Variants in SNX29 observed in about 807,000 individuals in gnomAD.
SNX29 encodes the protein sorting nexin-29.
Under a neutral mutation model 102.1 loss-of-function variants are expected in SNX29, and 78 were observed. The ratio of observed to expected loss-of-function variants is 0.76; its 90% CI spans 0.64 to 0.92. The LOEUF (loss-of-function observed/expected upper bound fraction) is 0.92, where lower values mean the gene tolerates loss of function less well. Ranked by LOEUF, SNX29 falls within the 40% of genes least tolerant of loss-of-function variation. The pLI is 0.00. For synonymous variants in SNX29, 580 were observed against 414.5 expected (o/e 1.40, Z -4.85); for missense variants, 1,280 against 1,061.7 (o/e 1.21, Z -2.86).
chr16:12,562,530 A>C (rs2078785628), intron 20 of SNX29, among the ~76,000 whole-genome samples: 1 of 152,184 alleles, frequency 6.6e-6, no homozygotes, highest in Admixed American at 6.5e-5. Context: ...CTGGTGAATG[A>C]CACAGCCAGG....
rs1434451220 is a variant in SNX29 at position 12,570,749 on chromosome 16, C to CA, written c.*2121dup. 1.3e-5 allele frequency: 3 copies of CA among 230,196 alleles called. No individual in the cohort carries two copies. Among genetic ancestry groups the CA allele is most frequent in the Admixed American group, 1.1e-4 (2 of 17,424 alleles). The allele number at this position is 230,196 out of a possible 1,614,324, so 14.3% of individuals were successfully genotyped here. ...TCTCTCCAGATACCCCACGAGGAAG[C>CA]ACCTTGGACATTCTGCACATGATAA... On this transcript the variant is annotated 3_prime_UTR_variant, in exon 21 of 21. Transcript: ENST00000566228.
intron 20 of SNX29, among the ~76,000 whole-genome samples, chr16:12,528,240 C>T (rs1238357656): frequency 3.3e-5 from 5 of 152,182 alleles, no homozygotes; most frequent in Non-Finnish European, 7.4e-5. Context: ...CACTCTGTTG[C>T]ACAGGCTGGA....
In SNX29 at chr16:12,061,660, G is replaced by A. The variant is rs200829872; in HGVS notation, c.1243+14G>A. ...ACAGCCCAGCAGGTGGGTGTCTCCC[G>A]ATTACTCCTTTCCTCCAATAAGAGC... On this transcript the variant is annotated intron_variant, in intron 9 of 20. Coordinates refer to ENST00000566228, the MANE Select transcript of SNX29 (RefSeq NM_032167.5). 8.0e-5 allele frequency: 128 copies of A among 1,596,132 alleles called. 1 individual carries two copies. Among genetic ancestry groups the A allele is most frequent in the Admixed American group, 4.6e-4 (27 of 58,882 alleles).
At chr16:12,234,096 T>A (rs545124050) in intron 14 of SNX29, among the ~76,000 whole-genome samples, 2 of 152,310 alleles carry the variant, frequency 1.3e-5, no homozygotes, top group South Asian at 4.1e-4. Context: ...GTTTTTCATT[T>A]CTCTCGGGTA....
chr16:12,570,920 G>A lies in SNX29; in HGVS notation c.*2291G>A, dbSNP rs1042379096. 2.4e-5 allele frequency: 4 copies of A among 168,096 alleles called. No homozygotes were observed. Among genetic ancestry groups the A allele is most frequent in the African/African-American group, 1.4e-4 (4 of 27,884 alleles). 10.4% of individuals were successfully genotyped at this position (168,096 alleles called of 1,614,324 possible). ...AAAAACCTGGTCTGCTCTCCAAAAT[G>A]AGAGCATGTTCCTGGGAGCCACATG... On this transcript the variant is annotated 3_prime_UTR_variant, in exon 21 of 21. Coordinates refer to ENST00000566228, the MANE Select transcript of SNX29 (RefSeq NM_032167.5).
chr16:12,324,890 A>G (rs1395517930), intron 15 of SNX29, among the ~76,000 whole-genome samples: 2 of 152,140 alleles, frequency 1.3e-5, no homozygotes, highest in Non-Finnish European at 2.9e-5. Context: ...AAAGATACCC[A>G]GGGAAATTAG....
intron 20 of SNX29, among the ~76,000 whole-genome samples, chr16:12,553,258 C>A (rs994035602): frequency 6.6e-6 from 1 of 152,220 alleles, no homozygotes; most frequent in African/African-American, 2.4e-5. Flanking sequence ...TTGTACAAGA[C>A]CACTGCCGCC....
At chr16:12,505,270 GT>G (rs1393815146) in intron 19 of SNX29, among the ~76,000 whole-genome samples, 1 of 152,116 alleles carries the variant, frequency 6.6e-6, no homozygotes, top group Non-Finnish European at 1.5e-5. Flanking sequence ...AAACTGGGTG[GT>G]TTACAAATAA....
intron 20 of SNX29, among the ~76,000 whole-genome samples, chr16:12,533,099 G>C (rs1358845750): frequency 6.6e-6 from 1 of 152,228 alleles, no homozygotes; most frequent in East Asian, 1.9e-4. Flanking sequence ...CCTCCGGGGA[G>C]GGACAGGTTC....
At chr16:12,521,614 C>T (rs1027393422) in intron 19 of SNX29, among the ~76,000 whole-genome samples, 1 of 152,174 alleles carries the variant, frequency 6.6e-6, no homozygotes, top group Non-Finnish European at 1.5e-5. Flanking sequence ...TGATGAGCTC[C>T]TTTCTTGTCT....
chr16:12,001,564 G>A (rs1407129931), intron 2 of SNX29, among the ~76,000 whole-genome samples: 1 of 151,824 alleles, frequency 6.6e-6, no homozygotes, highest in Non-Finnish European at 1.5e-5. Context: ...AGTTTCATGT[G>A]TTTTGACAAA....
chr16:12,074,864 C>T (rs2051474362), intron 10 of SNX29, among the ~76,000 whole-genome samples: 2 of 152,140 alleles, frequency 1.3e-5, no homozygotes, highest in Admixed American at 6.5e-5. Flanking sequence ...TTGTTCGTTT[C>T]TTTTTATTCT....
At chr16:12,375,868 C>G (rs1275865631) in intron 16 of SNX29, 2 of 151,908 alleles carry the variant, frequency 1.3e-5, no homozygotes, top group Non-Finnish European at 2.9e-5. Flanking sequence ...CCCATCTCTA[C>G]TAAAAACACA....
chr16:12,273,582 A>C (rs1344137153), intron 14 of SNX29, among the ~76,000 whole-genome samples: 2 of 151,902 alleles, frequency 1.3e-5, no homozygotes. Context: ...GGTCTCGAAC[A>C]CTTGACCTCA....
intron 15 of SNX29, among the ~76,000 whole-genome samples, chr16:12,339,370 C>CAAACAAAAAAAAAA (rs2081547448): frequency 1.8e-5 from 1 of 56,280 alleles, no homozygotes; most frequent in African/African-American, 8.0e-5. Context: ...GATTCTGTCT[C>CAAACAAAAAAAAAA]AAAAAAAAAA....
intron 15 of SNX29, among the ~76,000 whole-genome samples, chr16:12,285,552 T>A (rs957844580): frequency 1.3e-5 from 2 of 152,124 alleles, no homozygotes; most frequent in Non-Finnish European, 2.9e-5. Context: ...TGGTAAAAAA[T>A]ACACTCATAA....
intron 11 of SNX29, among the ~76,000 whole-genome samples, chr16:12,120,916 T>C (rs2053946371): frequency 6.6e-6 from 1 of 152,176 alleles, no homozygotes; most frequent in Non-Finnish European, 1.5e-5. Context: ...GGCAAGAAAT[T>C]ACAGCTGTGA....
chr16:11,988,744 T>G (rs973206198), intron 1 of SNX29, among the ~76,000 whole-genome samples: 3 of 152,198 alleles, frequency 2.0e-5, no homozygotes, highest in Non-Finnish European at 4.4e-5. Context: ...CTAGTGTTTT[T>G]TTTTTATTTT....
intron 8 of SNX29, among the ~76,000 whole-genome samples, chr16:12,061,214 GT>G (rs1288643931): frequency 2.6e-5 from 4 of 152,170 alleles, no homozygotes; most frequent in African/African-American, 9.7e-5. Context: ...GGATTATTTG[GT>G]TCATGTTCAT....
Sources: gnomAD v4.1 joint callset for allele counts (sites outside exome capture counted in the v4.1 genomes callset) on GRCh38, gnomAD v4.1.1 for gene constraint, MANE v1.5 for transcripts, NCBI Gene and HGNC (gene_info 2026-07-23, HGNC 2026-07-21) for gene names.